FARP2: variants seen among roughly 807,000 people sequenced by gnomAD.
FARP2 encodes FERM, ARH/RhoGEF and pleckstrin domain protein 2, also known as FERM, ARHGEF and pleckstrin domain-containing protein 2.
Under a neutral mutation model 130.5 loss-of-function variants are expected in FARP2, and 111 were observed. The observed-to-expected ratio is 0.85, with a 90% CI of 0.73 to 1.00. FARP2 has a LOEUF of 1.00. FARP2 is among the 50% of genes least tolerant of loss of function. FARP2 has a pLI of 0.00. For synonymous variants in FARP2, 504 were observed against 516.9 expected (o/e 0.98, Z 0.34); for missense variants, 1,385 against 1,346.3 (o/e 1.03, Z -0.45).
intron 2 of FARP2, among the ~76,000 whole-genome samples, chr2:241,374,241 G>T (rs2061486870): frequency 6.6e-6 from 1 of 151,856 alleles, no homozygotes; most frequent in Admixed American, 6.6e-5. Flanking sequence ...CAAACTCCTG[G>T]GCTCAAGGGA....
chr2:241,377,881 T>C (rs905224801), intron 2 of FARP2, among the ~76,000 whole-genome samples: 4 of 152,118 alleles, frequency 2.6e-5, no homozygotes, highest in Non-Finnish European at 4.4e-5. Flanking sequence ...AGGAGTAGAA[T>C]TGCTGGGTCA....
chr2:241,387,220 T>C (rs901749978), intron 2 of FARP2: 8 of 151,992 alleles, frequency 5.3e-5, no homozygotes, highest in African/African-American at 1.9e-4. Flanking sequence ...ACGTACCCGA[T>C]ACTAGAGGCT....
At chr2:241,362,685 C>T (rs1003155453) in intron 1 of FARP2, among the ~76,000 whole-genome samples, 4 of 151,974 alleles carry the variant, frequency 2.6e-5, no homozygotes, top group African/African-American at 9.7e-5. Flanking sequence ...GACAGTTATT[C>T]CAGCTTTCTC....
Position 241,362,767 on chromosome 2 carries a change from G to T in FARP2, c.-25+6379G>T, listed in dbSNP as rs190306176. 2.7e-3 allele frequency among the ~76,000 whole-genome samples: 416 copies of T among 152,260 alleles called. 2 individuals carry two copies. The highest frequency in any genetic ancestry group is 0.01 in the Middle Eastern group (3 of 294). On this transcript the variant is annotated intron_variant, in intron 1 of 26. Transcript: ENST00000264042. The stretch of plus-strand genomic sequence containing the variant: ...GACTTTTAAAGCTGGTAGTACTTCT[G>T]CAGGATTCTGCAGAGAAACCATCTG...
intron 8 of FARP2, among the ~76,000 whole-genome samples, chr2:241,419,327 T>C (rs2062751913): frequency 6.6e-6 from 1 of 152,242 alleles, no homozygotes; most frequent in Non-Finnish European, 1.5e-5. Flanking sequence ...CACCTGCTGA[T>C]GAGTGTTCCC....
chr2:241,463,691 T>C (rs2064089541), intron 16 of FARP2: 1 of 679,398 alleles, frequency 1.5e-6, no homozygotes, highest in East Asian at 2.7e-5. Context: ...AGATCCCTTT[T>C]TGCCTGGTTA....
chr2:241,477,871 C>T (rs971954264), intron 19 of FARP2: 1 of 152,798 alleles, frequency 6.5e-6, no homozygotes, highest in African/African-American at 2.4e-5. Flanking sequence ...GGAGAAATGT[C>T]TATTCAAATC....
At chr2:241,372,630 A>G (rs980477304) in intron 1 of FARP2, 2 of 152,212 alleles carry the variant, frequency 1.3e-5, no homozygotes, top group South Asian at 2.1e-4. Flanking sequence ...GAGCCTGTTT[A>G]CGTTTGGTAG....
At position 241,428,402 on chromosome 2, in the gene FARP2, T is replaced by A. The variant is rs1559760121; in HGVS notation, c.772-3277T>A. Among the ~76,000 whole-genome samples the A allele has an allele frequency of 1.4e-4, 16 of 112,888 alleles. No individual in the cohort carries two copies. The Admixed American group carries it at 1.5e-3, about 11-fold the overall frequency. The allele number at this position is 112,888 out of a possible 152,430, so 74.1% of individuals were successfully genotyped here. On this transcript the variant is annotated intron_variant, in intron 8 of 26. Coordinates refer to ENST00000264042, the MANE Select transcript of FARP2 (RefSeq NM_014808.4). ...GGCACTGGCCACCATGTCCAGCTAA[T>A]TTTTTTTTTTTTTTAATTCCTGACC...
chr2:241,493,274 T>C lies in FARP2; in HGVS notation c.2896-19T>C. 1 of 1,611,852 alleles carries C rather than the reference T, an allele frequency of 6.2e-7. No individual in the cohort carries two copies. Among genetic ancestry groups the C allele is most frequent in the Non-Finnish European group, 8.5e-7 (1 of 1,178,810 alleles). ...GGCAACCCAGCCCCTGGAACCCGTG[T>C]CCCTATGCTGTCTTGCAGGATGACT... On this transcript the variant is annotated intron_variant, in intron 25 of 26. Transcript: ENST00000264042.
chr2:241,458,652 A>G (rs901674540), intron 14 of FARP2, among the ~76,000 whole-genome samples: 2 of 152,122 alleles, frequency 1.3e-5, no homozygotes, highest in Non-Finnish European at 2.9e-5. Context: ...ACCTAATGAC[A>G]ATCTCTTTAG....
At chr2:241,413,845 G>A (rs1167247511) in intron 7 of FARP2, among the ~76,000 whole-genome samples, 1 of 152,016 alleles carries the variant, frequency 6.6e-6, no homozygotes, top group East Asian at 1.9e-4. Flanking sequence ...CAGGAGGTGA[G>A]GCAGGAGAAT....
At chr2:241,438,631 T>A (rs1392535586) in intron 12 of FARP2, among the ~76,000 whole-genome samples, 1 of 149,848 alleles carries the variant, frequency 6.7e-6, no homozygotes, top group East Asian at 1.9e-4. Context: ...GTTTTTTTTT[T>A]TTGTTTTTTT....
At chr2:241,483,421 C>T in intron 19 of FARP2, 44 bp from the exon 20 acceptor site, 1 of 1,551,382 alleles carries the variant, frequency 6.4e-7, no homozygotes, top group Non-Finnish European at 8.9e-7. Context: ...CATCCGCCAG[C>T]TGCCCTCAGC....
chr2:241,383,197 C>T (rs950632308), intron 2 of FARP2, among the ~76,000 whole-genome samples: 8 of 152,350 alleles, frequency 5.3e-5, no homozygotes, highest in African/African-American at 1.4e-4. Context: ...CCAAAGTGAA[C>T]GTAGCAGACA....
intron 2 of FARP2, among the ~76,000 whole-genome samples, chr2:241,391,534 C>A (rs2061903607): frequency 6.6e-6 from 1 of 152,178 alleles, no homozygotes; most frequent in African/African-American, 2.4e-5. Context: ...GGAAGCTCAT[C>A]GCAGGTTTTG....
intron 13 of FARP2, chr2:241,445,223 T>G: frequency 7.6e-6 from 1 of 131,274 alleles, no homozygotes; most frequent in Non-Finnish European, 1.5e-5. Context: ...TGAGCCTGGG[T>G]GCTAGAGCGA....
chr2:241,449,571 A>C (rs1323936930), intron 13 of FARP2, among the ~76,000 whole-genome samples: 1 of 152,240 alleles, frequency 6.6e-6, no homozygotes, highest in African/African-American at 2.4e-5. Flanking sequence ...TAGATGAATA[A>C]AAACAGTGTC....
intron 4 of FARP2, among the ~76,000 whole-genome samples, chr2:241,407,030 G>A (rs1010817454): frequency 4.0e-5 from 6 of 151,302 alleles, no homozygotes; most frequent in African/African-American, 1.5e-4. Context: ...GGATGGTCTC[G>A]ATCTCCTGAC....
Sources: gnomAD v4.1 joint callset for allele counts (sites outside exome capture counted in the v4.1 genomes callset) on GRCh38, gnomAD v4.1.1 for gene constraint, MANE v1.5 for transcripts, NCBI Gene and HGNC (gene_info 2026-07-23, HGNC 2026-07-21) for gene names.